The following FNDC3B variants were observed in gnomAD, a reference collection of about 807,000 sequenced individuals.
FNDC3B encodes fibronectin type III domain-containing protein 3B.
FNDC3B carries 12 observed loss-of-function variants against 151.5 expected under a neutral mutation model. The ratio of observed to expected loss-of-function variants is 0.08; its 90% CI spans 0.05 to 0.13. The LOEUF is 0.13. Among genes scored for constraint, FNDC3B ranks in the 10% least tolerant of loss-of-function variants. FNDC3B has a pLI of 1.00. For synonymous variants in FNDC3B, 528 were observed against 549.0 expected, an observed-to-expected ratio of 0.96 and a Z score of 0.54; for missense variants, 1,214 against 1,505.3, an observed-to-expected ratio of 0.81 and a Z score of 3.20.
intron 1 of FNDC3B, among the ~76,000 whole-genome samples, chr3:172,071,705 CA>C (rs1361992518): frequency 6.6e-6 from 1 of 152,118 alleles, no homozygotes; most frequent in African/African-American, 2.4e-5. Flanking sequence ...TTGTCACACA[CA>C]TTCAAAGGAA....
chr3:172,079,721 G>A (rs1359224704), intron 1 of FNDC3B, among the ~76,000 whole-genome samples: 1 of 152,164 alleles, frequency 6.6e-6, no homozygotes, highest in Non-Finnish European at 1.5e-5. Context: ...TGTGGAGAGG[G>A]AGGAAGTCTG....
intron 6 of FNDC3B, among the ~76,000 whole-genome samples, chr3:172,276,817 A>G (rs1487645703): frequency 1.3e-5 from 2 of 152,238 alleles, no homozygotes; most frequent in Non-Finnish European, 2.9e-5. Flanking sequence ...TGCTCCAAAA[A>G]TGTCAACTTT....
chr3:172,212,986 T>A (rs1725807233), intron 3 of FNDC3B, among the ~76,000 whole-genome samples: 1 of 152,080 alleles, frequency 6.6e-6, no homozygotes, highest in Non-Finnish European at 1.5e-5. Flanking sequence ...TGGGTACATG[T>A]ATTTTCTGGT....
intron 17 of FNDC3B, among the ~76,000 whole-genome samples, chr3:172,341,546 G>A (rs1201904931): frequency 2.0e-5 from 3 of 152,086 alleles, no homozygotes; most frequent in Non-Finnish European, 4.4e-5. Flanking sequence ...AGGAGACCTC[G>A]GTTATTGCAA....
chr3:172,310,841 A>G lies in FNDC3B; in HGVS notation c.1214A>G (p.Asn405Ser). Residue 405 changes from asparagine (N) to serine (S), a missense_variant, in exon 11 of 26, where the codon AAC becomes AGC. Around this residue, in one of 7 missense-constraint regions of FNDC3B, gnomAD observed 156 missense variants for 225.3 expected, o/e 0.69. Transcript: ENST00000415807. ...TATTTTTTTTAGGCACCAATTGACAACGGTTCAAAAATCACCAACTACCTT... is the reference window on the plus strand; with the variant it reads ...TATTTTTTTTAGGCACCAATTGACAGCGGTTCAAAAATCACCAACTACCTT... ...LTLQWKAPIDNGSKITNYLLE... is the reference protein window; with the variant it reads ...LTLQWKAPIDSGSKITNYLLE... 2 of 1,612,376 alleles carry G rather than the reference A, an allele frequency of 1.2e-6. No individual in the cohort carries two copies. Among genetic ancestry groups the G allele is most frequent in the Non-Finnish European group, 8.5e-7 (1 of 1,178,324 alleles).
intron 23 of FNDC3B, among the ~76,000 whole-genome samples, chr3:172,369,682 C>T (rs1455093421): frequency 6.6e-6 from 1 of 152,114 alleles, no homozygotes; most frequent in African/African-American, 2.4e-5. Flanking sequence ...GCTGTTGGCA[C>T]GTTCATGCTT....
chr3:172,223,945 G>T (rs962030523), intron 3 of FNDC3B, among the ~76,000 whole-genome samples: 9 of 152,216 alleles, frequency 5.9e-5, no homozygotes, highest in Admixed American at 5.9e-4. Context: ...CTGACCATAT[G>T]AAGTAAGAAT....
intron 25 of FNDC3B, among the ~76,000 whole-genome samples, chr3:172,390,732 T>C (rs1411486422): frequency 6.6e-6 from 1 of 152,140 alleles, no homozygotes; most frequent in Non-Finnish European, 1.5e-5. Context: ...GGGGATAGGT[T>C]ATTAAGTGGT....
At chr3:172,138,367 AAGC>A (rs1721473839) in intron 3 of FNDC3B, among the ~76,000 whole-genome samples, 1 of 152,184 alleles carries the variant, frequency 6.6e-6, no homozygotes, top group African/African-American at 2.4e-5. Flanking sequence ...TATTACATTC[AAGC>A]ATGATGATTT....
chr3:172,228,091 GTTACTTAC>G (rs533952314), intron 4 of FNDC3B, among the ~76,000 whole-genome samples: 2 of 151,826 alleles, frequency 1.3e-5, no homozygotes, highest in Non-Finnish European at 2.9e-5. Context: ...TTCTTACTGA[GTTACTTAC>G]TTACTTACTT....
In FNDC3B at chr3:172,273,836, G is replaced by A. The variant is rs146608852; in HGVS notation, c.791-12090G>A. Among the ~76,000 whole-genome samples the A allele has an allele frequency of 6.2e-3, 946 of 152,278 alleles. 2 individuals are homozygous for A. Among genetic ancestry groups the A allele is most frequent in the Non-Finnish European group, 9.2e-3 (626 of 68,034 alleles). ...GAGCCGTAAATAAGTTGAGCAGCCC[G>A]GATACATTCTGTACTAGCTGGTTGG... On this transcript the variant is annotated intron_variant, in intron 6 of 25. Transcript: ENST00000415807.
At chr3:172,143,566 T>C (rs1293715468) in intron 3 of FNDC3B, among the ~76,000 whole-genome samples, 1 of 152,204 alleles carries the variant, frequency 6.6e-6, no homozygotes, top group Non-Finnish European at 1.5e-5. Flanking sequence ...CGTTTATGTA[T>C]AGTAATAAAT....
chr3:172,098,587 G>A (rs1719203474), intron 1 of FNDC3B, among the ~76,000 whole-genome samples: 1 of 152,070 alleles, frequency 6.6e-6, no homozygotes, highest in African/African-American at 2.4e-5. Flanking sequence ...CTTTGAAAAA[G>A]CAGTAGATTC....
rs769859628 is a variant in FNDC3B, at chr3:172,400,431, A to G, written c.*2956A>G. 6.6e-6 allele frequency: 1 copy of G among 152,610 alleles called. No individual in the cohort carries two copies. The allele number at this position is 152,610 out of a possible 1,614,324, so 9.5% of individuals were successfully genotyped here. A position where few individuals can be genotyped will look rare whatever the true frequency, so the allele number is the denominator to read the frequency against. ...CCCTAATTGAATGTGTTTGAATGTTATCCTTGCACAATTCTTTAAATTGAA... is the reference window on the plus strand; with the variant it reads ...CCCTAATTGAATGTGTTTGAATGTTGTCCTTGCACAATTCTTTAAATTGAA... On this transcript the variant is annotated 3_prime_UTR_variant, in exon 26 of 26. Transcript: ENST00000415807.
chr3:172,061,601 C>CAAAA (rs1478309435), intron 1 of FNDC3B, among the ~76,000 whole-genome samples: 20 of 152,174 alleles, frequency 1.3e-4, no homozygotes, highest in African/African-American at 4.3e-4. Flanking sequence ...GAAGCAGATT[C>CAAAA]TTTTCCTAAT....
Position 172,192,169 on chromosome 3 carries a change from GTTTTTTGTTT to G in FNDC3B, c.188-34695_188-34686del, listed in dbSNP as rs796877921. 6.1e-3 allele frequency among the ~76,000 whole-genome samples: 530 copies of G among 87,402 alleles called. 2 individuals carry two copies. The highest frequency in any genetic ancestry group is 0.019 in the African/African-American group (485 of 25,414). The allele number at this position is 87,402 out of a possible 152,430, so 57.3% of individuals were successfully genotyped here. On this transcript the variant is annotated intron_variant, in intron 3 of 25. Transcript: ENST00000415807. ...ACAGAAGACTGTTTTTTTTGTGTGT[GTTTTTTGTTT>G]TTTTTTTTTTTGAGAGGGAGTCTTG...
intron 3 of FNDC3B, among the ~76,000 whole-genome samples, chr3:172,207,361 A>G (rs986931214): frequency 6.6e-6 from 1 of 152,212 alleles, no homozygotes; most frequent in African/African-American, 2.4e-5. Flanking sequence ...TACAATGGGT[A>G]TCAAATAAAT....
At chr3:172,070,499 T>C (rs565491192) in intron 1 of FNDC3B, among the ~76,000 whole-genome samples, 1 of 152,304 alleles carries the variant, frequency 6.6e-6, no homozygotes, top group South Asian at 2.1e-4. Context: ...ATACAGTTGT[T>C]TGGGATAATC....
rs7652177 is a variant in FNDC3B at position 172,251,287 on chromosome 3, C to G, written c.536C>G (p.Thr179Ser). The G allele has an allele frequency of 0.52, 843,369 of 1,609,202 alleles. 226,650 individuals carry two copies. Among genetic ancestry groups the G allele is most frequent in the African/African-American group, 0.86 (64,606 of 74,836 alleles). ...ATTATACCATTTTATGGAATGTCAACCTACATCACCCGAGAAGACCAGTAC... is the reference window on the plus strand; with the variant it reads ...ATTATACCATTTTATGGAATGTCAAGCTACATCACCCGAGAAGACCAGTAC... Reference protein sequence around the residue: ...QEIIPFYGMSTYITREDQYSK... With the variant: ...QEIIPFYGMSSYITREDQYSK... Residue 179 changes from threonine to serine, a missense_variant, in exon 6 of 26, where the codon ACC (threonine) becomes AGC (serine). Physicochemically the swap from Thr to Ser is moderately conservative, Grantham distance 58. Around this residue, in one of 7 missense-constraint regions of FNDC3B, gnomAD observed 166 missense variants for 173.2 expected, o/e 0.96. Coordinates refer to ENST00000415807, the MANE Select transcript of FNDC3B (RefSeq NM_022763.4).
Sources: allele counts gnomAD v4.1 joint callset (sites outside exome capture counted in the v4.1 genomes callset), GRCh38; gene constraint gnomAD v4.1.1; regional missense constraint gnomAD v4.1.1; transcripts MANE v1.5; gene names NCBI Gene and HGNC (gene_info 2026-07-23, HGNC 2026-07-21).